Variants in LRP1B observed in about 807,000 individuals in gnomAD.
The protein encoded by LRP1B is LDL receptor related protein 1B, also known as low-density lipoprotein receptor-related protein 1B.
In LRP1B, 217 loss-of-function variants were observed where a neutral mutation model predicts 556.6. The observed-to-expected ratio is 0.39, with a 90% CI of 0.35 to 0.44. The LOEUF is 0.44. LRP1B is among the 20% of genes least tolerant of loss of function. The probability of loss-of-function intolerance (pLI) is 1.00; values close to 1 mark genes in which losing one functional copy is unlikely to be tolerated. For missense variants in LRP1B, 5,053 were observed against 5,620.8 expected, an observed-to-expected ratio of 0.90 and a Z score of 3.23; for synonymous variants, 2,047 against 1,865.8, an observed-to-expected ratio of 1.10 and a Z score of -2.50.
At chr2:141,125,309 G>C (rs1395478457) in intron 7 of LRP1B, among the ~76,000 whole-genome samples, 1 of 152,136 alleles carries the variant, frequency 6.6e-6, no homozygotes, top group Non-Finnish European at 1.5e-5. Flanking sequence ...AAAGATCCAT[G>C]GCTCATTTCT....
chr2:141,271,839 T>C (rs888589489), intron 3 of LRP1B, among the ~76,000 whole-genome samples: 1 of 151,636 alleles, frequency 6.6e-6, no homozygotes, highest in Non-Finnish European at 1.5e-5. Context: ...GTACATAATG[T>C]CTCATTTCAT....
rs184283025 is a variant in LRP1B, at chr2:140,588,776, G to A, written c.7194+9855C>T. On this transcript the variant is annotated intron_variant, in intron 43 of 90. Coordinates refer to ENST00000389484, the MANE Select transcript of LRP1B (RefSeq NM_018557.3). ...GTCAGGAGATCAGCCTGGCTAACAC[G>A]GTGAAACCCTGTCTCTCCTAAAAAT... Among the ~76,000 whole-genome samples, 996 of 152,124 alleles carry A rather than the reference G, an allele frequency of 6.5e-3. 5 individuals carry two copies. The highest frequency in any genetic ancestry group is 9.0e-3 in the Non-Finnish European group (610 of 67,978).
intron 37 of LRP1B, among the ~76,000 whole-genome samples, chr2:140,705,977 C>T (rs1686823304): frequency 6.6e-6 from 1 of 152,060 alleles, no homozygotes; most frequent in African/African-American, 2.4e-5. Flanking sequence ...GGAATTTGCA[C>T]CTTGAGAAAC....
Position 140,517,369 on chromosome 2 carries a change from A to C in LRP1B, c.8027-358T>G, listed in dbSNP as rs150284015. ...AAATTGAGTGAGCCTAAGGCCAAAG[A>C]ATAATATTTGGGTGGAAAATACTCT... On this transcript the variant is annotated intron_variant, in intron 49 of 90. Coordinates refer to ENST00000389484, the MANE Select transcript of LRP1B (RefSeq NM_018557.3). 5.6e-3 allele frequency among the ~76,000 whole-genome samples: 853 copies of C among 152,276 alleles called. 5 individuals are homozygous for C. The highest frequency in any genetic ancestry group is 0.014 in the Middle Eastern group (4 of 294).
chr2:141,949,773 A>C (rs1220323047), intron 1 of LRP1B, among the ~76,000 whole-genome samples: 2 of 152,194 alleles, frequency 1.3e-5, no homozygotes, highest in African/African-American at 2.4e-5. Context: ...AAGAGTAAAA[A>C]CAAACAAATG....
chr2:140,550,821 C>G (rs1271739521), intron 43 of LRP1B, among the ~76,000 whole-genome samples: 1 of 152,096 alleles, frequency 6.6e-6, no homozygotes, highest in Non-Finnish European at 1.5e-5. Context: ...GTATTATGAA[C>G]TGAGTGTTTG....
intron 43 of LRP1B, among the ~76,000 whole-genome samples, chr2:140,554,350 T>G (rs912604087): frequency 1.9e-4 from 29 of 151,894 alleles, no homozygotes; most frequent in African/African-American, 6.1e-4. Context: ...ATTATTAAAT[T>G]TATAGCTTAT....
At chr2:140,920,383 T>G (rs1255354048) in intron 21 of LRP1B, among the ~76,000 whole-genome samples, 1 of 152,050 alleles carries the variant, frequency 6.6e-6, no homozygotes, top group Non-Finnish European at 1.5e-5. Context: ...AATTTATGTA[T>G]AAGAAAGCTA....
intron 83 of LRP1B, among the ~76,000 whole-genome samples, chr2:140,301,365 A>G (rs1018470039): frequency 1.3e-5 from 2 of 152,048 alleles, no homozygotes; most frequent in African/African-American, 4.8e-5. Flanking sequence ...GCTCAATTCT[A>G]TCTTTCCAAA....
At chr2:141,755,508 A>G (rs553728580) in intron 2 of LRP1B, among the ~76,000 whole-genome samples, 26 of 152,082 alleles carry the variant, frequency 1.7e-4, no homozygotes, top group Non-Finnish European at 2.9e-4. Flanking sequence ...ATACTTTAAT[A>G]TTACTACTCA....
chr2:140,320,398 T>TA (rs1680041606), intron 82 of LRP1B, among the ~76,000 whole-genome samples: 1 of 152,116 alleles, frequency 6.6e-6, no homozygotes, highest in Non-Finnish European at 1.5e-5. Flanking sequence ...GATGTAACCT[T>TA]CAGCAGAGAA....
chr2:141,748,689 G>A (rs1225811422), intron 2 of LRP1B, among the ~76,000 whole-genome samples: 1 of 152,144 alleles, frequency 6.6e-6, no homozygotes, highest in African/African-American at 2.4e-5. Context: ...GTTTCATTTT[G>A]CATGTGCTGC....
At chr2:142,008,090 A>G (rs1042453588) in intron 1 of LRP1B, among the ~76,000 whole-genome samples, 1 of 152,142 alleles carries the variant, frequency 6.6e-6, no homozygotes, top group Admixed American at 6.5e-5. Context: ...TAAGGGCAAA[A>G]AGAAGAAGGA....
At chr2:141,779,362 A>T (rs1020288329) in intron 2 of LRP1B, among the ~76,000 whole-genome samples, 10 of 152,114 alleles carry the variant, frequency 6.6e-5, no homozygotes, top group African/African-American at 2.2e-4. Context: ...TTTAAAAAAG[A>T]TATACTGCAT....
intron 25 of LRP1B, among the ~76,000 whole-genome samples, chr2:140,880,122 T>TA (rs1353297173): frequency 6.6e-6 from 1 of 152,148 alleles, no homozygotes; most frequent in Non-Finnish European, 1.5e-5. Flanking sequence ...TTATGGCAGT[T>TA]AAAAATTTAG....
At chr2:141,079,404 A>C (rs892284023) in intron 7 of LRP1B, among the ~76,000 whole-genome samples, 5 of 152,214 alleles carry the variant, frequency 3.3e-5, no homozygotes, top group African/African-American at 9.7e-5. Context: ...GTGAAAGGTT[A>C]ATTGATGCAT....
intron 1 of LRP1B, among the ~76,000 whole-genome samples, chr2:141,821,969 G>A (rs1696764234): frequency 6.6e-6 from 1 of 151,962 alleles, no homozygotes; most frequent in South Asian, 2.1e-4. Flanking sequence ...AGAATGTAGG[G>A]ATTTTGTTCC....
intron 7 of LRP1B, among the ~76,000 whole-genome samples, chr2:141,072,396 T>C (rs1188265977): frequency 6.6e-6 from 1 of 152,102 alleles, no homozygotes; most frequent in Non-Finnish European, 1.5e-5. Flanking sequence ...TATTGAAATG[T>C]CTACAGGATA....
intron 3 of LRP1B, among the ~76,000 whole-genome samples, chr2:141,464,608 T>TATATATATATA (rs1244707646): frequency 4.1e-5 from 2 of 48,348 alleles, no homozygotes; most frequent in East Asian, 3.9e-4. Context: ...ATATATATAT[T>TATATATATATA]TTTTTAGTAG....
Sources: gnomAD v4.1 joint callset for allele counts (sites outside exome capture counted in the v4.1 genomes callset) on GRCh38, gnomAD v4.1.1 for gene constraint, MANE v1.5 for transcripts, NCBI Gene and HGNC (gene_info 2026-07-23, HGNC 2026-07-21) for gene names.